Variants in CDC42BPB observed in about 807,000 individuals in gnomAD.
CDC42BPB encodes the protein CDC42 binding protein kinase beta, also known as serine/threonine-protein kinase MRCK beta.
Under a neutral mutation model 214.9 loss-of-function variants are expected in CDC42BPB, and 37 were observed. The observed-to-expected ratio is 0.17, with a 90% CI of 0.13 to 0.23. CDC42BPB has a LOEUF of 0.23. Ranked by LOEUF, CDC42BPB falls within the 10% of genes least tolerant of loss-of-function variation. CDC42BPB has a pLI of 1.00. For missense variants in CDC42BPB, 1,694 were observed against 2,227.0 expected (o/e 0.76, Z 4.82); for synonymous variants, 931 against 884.0 (o/e 1.05, Z -0.94).
At chr14:102,945,559 A>C in intron 29 of CDC42BPB, 103 bp downstream of exon 29, 1 of 1,049,866 alleles carries the variant, frequency 9.5e-7, no homozygotes, top group Admixed American at 1.9e-5. Context: ...CGCCTTCATC[A>C]AGCGCATTTG....
intron 5 of CDC42BPB, among the ~76,000 whole-genome samples, chr14:102,998,783 C>T (rs1412601420): frequency 1.3e-5 from 2 of 152,130 alleles, no homozygotes; most frequent in Non-Finnish European, 2.9e-5. Flanking sequence ...CAGCACGGCA[C>T]AGAGAAGACC....
intron 1 of CDC42BPB, among the ~76,000 whole-genome samples, chr14:103,015,970 C>T (rs542621294): frequency 4.2e-4 from 64 of 152,220 alleles, no homozygotes; most frequent in African/African-American, 1.2e-3. Context: ...CCCACCTCGA[C>T]CTCCCAAAGT....
chr14:102,992,338 T>C (rs1313229865), intron 5 of CDC42BPB, among the ~76,000 whole-genome samples: 3 of 152,142 alleles, frequency 2.0e-5, no homozygotes, highest in Non-Finnish European at 4.4e-5. Flanking sequence ...CAGATAACAG[T>C]GATTTAAAGG....
At chr14:103,050,175 G>A (rs1888523455) in intron 1 of CDC42BPB, among the ~76,000 whole-genome samples, 3 of 152,214 alleles carry the variant, frequency 2.0e-5, no homozygotes, top group African/African-American at 7.2e-5. Context: ...AGACTGATCT[G>A]GCAGAGGTAT....
intron 9 of CDC42BPB, among the ~76,000 whole-genome samples, chr14:102,977,855 A>G (rs1026544547): frequency 6.6e-6 from 1 of 152,196 alleles, no homozygotes; most frequent in Admixed American, 6.5e-5. Flanking sequence ...AGGGTTGTAA[A>G]AAGAAGAACA....
chr14:102,938,570 G>A (rs534213845), intron 34 of CDC42BPB, 159 bp from the exon 35 acceptor site: 2 of 985,354 alleles, frequency 2.0e-6, no homozygotes, highest in East Asian at 1.1e-4. Context: ...TGGACAGTCT[G>A]GAACTAAGAA....
At chr14:102,948,829 C>G (rs1040538295) in intron 26 of CDC42BPB, among the ~76,000 whole-genome samples, 6 of 151,988 alleles carry the variant, frequency 3.9e-5, no homozygotes, top group Admixed American at 3.9e-4. Context: ...CTCATGCCAA[C>G]TTTTCGTCTA....
At chr14:103,050,295 T>G (rs1888529516) in intron 1 of CDC42BPB, among the ~76,000 whole-genome samples, 1 of 152,164 alleles carries the variant, frequency 6.6e-6, no homozygotes, top group Admixed American at 6.5e-5. Context: ...AATAAAGATA[T>G]TTCAAAGCAG....
chr14:103,003,981 C>A lies in CDC42BPB; in HGVS notation c.394G>T (p.Asp132Tyr). 1 of 1,610,408 alleles carries A rather than the reference C, an allele frequency of 6.2e-7. No homozygotes were observed. Among genetic ancestry groups the A allele is most frequent in the South Asian group, 1.1e-5 (1 of 90,920 alleles). ...TGCAGCGCGGTGATCCACTGGCAGT[C>A]GCCGTTCACCAGCACATCGCGCTCC... ...REERDVLVNG[D>Y]CQWITALHYA... The change falls in exon 4 of 37, where the codon GAC (aspartate) becomes TAC (tyrosine). Residue 132 changes from aspartate (D) to tyrosine (Y), a missense_variant. Physicochemically the swap from Asp to Tyr is radical, Grantham distance 160 (BLOSUM62 -3). Coordinates refer to ENST00000361246, the MANE Select transcript of CDC42BPB (RefSeq NM_006035.4).
chr14:102,948,674 T>G (rs1344386389), intron 26 of CDC42BPB, among the ~76,000 whole-genome samples: 132 of 12,656 alleles, frequency 0.01, no homozygotes, highest in Admixed American at 0.015. Context: ...GGTGAGGGAG[T>G]GGGGGTGGGT....
intron 21 of CDC42BPB, among the ~76,000 whole-genome samples, chr14:102,957,806 C>T (rs1892778074): frequency 6.6e-6 from 1 of 152,204 alleles, no homozygotes; most frequent in Non-Finnish European, 1.5e-5. Flanking sequence ...CTGACTGCCC[C>T]CTACTCACAC....
chr14:102,975,731 A>T lies in CDC42BPB; in HGVS notation c.1460T>A (p.Ile487Asn). 1 of 1,614,036 alleles carries T rather than the reference A, an allele frequency of 6.2e-7. No homozygotes were observed. Among genetic ancestry groups the T allele is most frequent in the Non-Finnish European group, 8.5e-7 (1 of 1,179,962 alleles). The change falls in exon 11 of 37, where the codon ATC (isoleucine) becomes AAC (asparagine). Residue 487 changes from isoleucine to asparagine, a missense_variant. By Grantham distance (149) the Ile-to-Asn change is moderately radical. This residue lies in a region of CDC42BPB where 462 missense variants were observed against 513.5 expected (regional missense o/e 0.90). Transcript: ENST00000361246. ...TTCGATTTCTTCATTTAGCTTTTTG[A>T]TTTCTTTATCTCGGTTTGAATTGCT... ...ALSNSNRDKE[I>N]KKLNEEIERL...
At position 102,954,610 on chromosome 14, in the gene CDC42BPB, G is replaced by A; in HGVS notation, c.2980C>T (p.Gln994Ter). Reference protein sequence around the residue: ...SPSMSVAASEQQEDMARPPQR... With the variant: ...SPSMSVAASE ...GGGCAACGCTGTCTCACCTCCTGCT[G>A]CTCTGATGCAGCCACAGACATCGAC... The change falls in exon 22 of 37, where the codon CAG becomes TAG. Residue 994 changes from glutamine (Q) to a stop codon, truncating the protein, a stop_gained. Coordinates refer to ENST00000361246, the MANE Select transcript of CDC42BPB (RefSeq NM_006035.4). LOFTEE classifies it high-confidence loss of function. 6.2e-7 allele frequency: 1 copy of A among 1,613,504 alleles called. No homozygotes were observed. Among genetic ancestry groups the A allele is most frequent in the Non-Finnish European group, 8.5e-7 (1 of 1,179,560 alleles).
intron 11 of CDC42BPB, 164 bp from the exon 12 acceptor site, chr14:102,974,313 C>CACACAA: frequency 1.0e-6 from 1 of 985,068 alleles, no homozygotes. Flanking sequence ...CACACACACA[C>CACACAA]ACACACAGTG....
Position 102,950,622 on chromosome 14 carries a change from C to T in CDC42BPB, c.3173-20G>A, listed in dbSNP as rs1423241869. On this transcript the variant is annotated intron_variant, in intron 24 of 36. Coordinates refer to ENST00000361246, the MANE Select transcript of CDC42BPB (RefSeq NM_006035.4). ...AACACACTGGAAGAGAGCAAGAACA[C>T]TGCCTTCAAAGCTTGCTGCCTACAG... The T allele has an allele frequency of 1.9e-6, 3 of 1,541,830 alleles. No individual in the cohort carries two copies. The highest frequency in any genetic ancestry group is 8.8e-7 in the Non-Finnish European group (1 of 1,142,384).
At chr14:103,005,112 G>C (rs1440431371) in intron 3 of CDC42BPB, among the ~76,000 whole-genome samples, 1 of 151,298 alleles carries the variant, frequency 6.6e-6, no homozygotes, top group Non-Finnish European at 1.5e-5. Context: ...AGCTTGCAGT[G>C]AGCCGAGATC....
Position 102,939,810 on chromosome 14 carries a change from C to G in CDC42BPB, c.4709+20G>C. 1 of 1,614,040 alleles carries G rather than the reference C, an allele frequency of 6.2e-7. No homozygotes were observed. The highest frequency in any genetic ancestry group is 8.5e-7 in the Non-Finnish European group (1 of 1,180,034). On this transcript the variant is annotated intron_variant, in intron 33 of 36. Transcript: ENST00000361246. ...TCCCTAGAGCGAGGCCCAGCAGGCC[C>G]CGTGAGGCCCCGCTCCTACCGCCTC...
At chr14:103,007,394 C>G (rs1235849532) in intron 3 of CDC42BPB, among the ~76,000 whole-genome samples, 2 of 152,152 alleles carry the variant, frequency 1.3e-5, no homozygotes, top group Non-Finnish European at 2.9e-5. Context: ...TGGCCCGAAT[C>G]GATGGTTGTA....
chr14:102,993,060 G>A (rs968540725), intron 5 of CDC42BPB, among the ~76,000 whole-genome samples: 8 of 151,984 alleles, frequency 5.3e-5, no homozygotes, highest in Non-Finnish European at 1.2e-4. Flanking sequence ...GAACTTGTGA[G>A]CTCAAGCAAT....
Sources: allele counts gnomAD v4.1 joint callset (sites outside exome capture counted in the v4.1 genomes callset), GRCh38; gene constraint gnomAD v4.1.1; regional missense constraint gnomAD v4.1.1; transcripts MANE v1.5; gene names NCBI Gene and HGNC (gene_info 2026-07-23, HGNC 2026-07-21).